TULP1: variants seen among roughly 807,000 people sequenced by gnomAD.
The protein encoded by TULP1 is tubby-related protein 1.
A neutral mutation model predicts 67.1 loss-of-function variants in TULP1; 50 were observed. The observed-to-expected ratio is 0.75, with a 90% CI of 0.59 to 0.94. The LOEUF is 0.94. Among genes scored for constraint, TULP1 ranks in the 40% least tolerant of loss-of-function variants. The pLI is 0.00. For synonymous variants in TULP1, 297 were observed against 294.0 expected, an observed-to-expected ratio of 1.01 and a Z score of -0.11; for missense variants, 746 against 734.1, an observed-to-expected ratio of 1.02 and a Z score of -0.19.
At chr6:35,504,077 A>G in intron 11 of TULP1, 3 of 509,172 alleles carry the variant, frequency 5.9e-6, no homozygotes, top group Non-Finnish European at 1.1e-5. Flanking sequence ...GCACTTTGGG[A>G]GTCAGAGGAG....
Position 35,512,254 on chromosome 6 carries a change from T to C in TULP1, c.116A>G (p.Gln39Arg), listed in dbSNP as rs1487706110. Residue 39 changes from glutamine (Q) to arginine (R), a missense_variant, in exon 3 of 15, where the codon CAG becomes CGG. This residue lies in a region of TULP1 where 359 missense variants were observed against 341.9 expected (regional missense o/e 1.05). Coordinates refer to ENST00000229771, the MANE Select transcript of TULP1 (RefSeq NM_003322.6). ...CTCCGTCCTCTTCTTCCTTAGCCTC[T>C]GTGCCGGGGCGGGTCGCTGCGGAAC... is the stretch of plus-strand genomic sequence containing the variant. ...RRPKQRPAPA[Q>R]RLRKKRTEAP... The C allele has an allele frequency of 1.4e-6, 2 of 1,402,496 alleles. No individual in the cohort carries two copies. Among genetic ancestry groups the C allele is most frequent in the African/African-American group, 1.5e-5 (1 of 68,906 alleles). 86.9% of individuals were successfully genotyped at this position (1,402,496 alleles called of 1,614,324 possible). A position where few individuals can be genotyped will look rare whatever the true frequency, so the allele number is the denominator to read the frequency against.
intron 14 of TULP1, among the ~76,000 whole-genome samples, chr6:35,499,360 T>C (rs566531017): frequency 2.9e-4 from 44 of 152,312 alleles, no homozygotes; most frequent in Middle Eastern, 3.4e-3. Flanking sequence ...ATCCAGACTG[T>C]CAGCTCTACC....
intron 13 of TULP1, 37 bp from the exon 14 acceptor site, chr6:35,500,189 G>A (rs758410891): frequency 6.2e-7 from 1 of 1,610,918 alleles, no homozygotes; most frequent in South Asian, 1.1e-5. Context: ...GGAGAGGACA[G>A]TTAGAGATGG....
chr6:35,500,701 C>T (rs965447369), intron 13 of TULP1, among the ~76,000 whole-genome samples: 3 of 152,140 alleles, frequency 2.0e-5, no homozygotes, highest in African/African-American at 7.2e-5. Flanking sequence ...GCCTTCCTGA[C>T]CCCCCATCTG....
intron 4 of TULP1, 136 bp downstream of exon 4, chr6:35,511,512 C>T (rs1326412591): frequency 7.2e-7 from 1 of 1,381,840 alleles, no homozygotes; most frequent in African/African-American, 1.4e-5. Context: ...ATACCTGGCT[C>T]AAAGATAAGG....
At chr6:35,510,616 C>T in intron 5 of TULP1, 1 of 693,768 alleles carries the variant, frequency 1.4e-6, no homozygotes, top group Non-Finnish European at 2.3e-6. Context: ...AAACTAGAAT[C>T]CTCTGTCCTC....
chr6:35,504,212 G>T, intron 11 of TULP1: 1 of 283,898 alleles, frequency 3.5e-6, no homozygotes, highest in Non-Finnish European at 6.9e-6. Context: ...GGTGGCATGT[G>T]CCTGTAGTCC....
In TULP1 at chr6:35,497,995, A is replaced by G; in HGVS notation, c.*332T>C. On this transcript the variant is annotated 3_prime_UTR_variant, in exon 15 of 15. Coordinates refer to ENST00000229771, the MANE Select transcript of TULP1 (RefSeq NM_003322.6). ...CCTAGCGCGGTCCCGGGGAGAGGGG[A>G]GGTTAAAACAACAATGACTACTGCT... The G allele has an allele frequency of 2.2e-6, 1 of 457,838 alleles. No homozygotes were observed. The highest frequency in any genetic ancestry group is 2.6e-5 in the South Asian group (1 of 38,628). The allele number at this position is 457,838 out of a possible 1,614,324, so 28.4% of individuals were successfully genotyped here.
chr6:35,509,704 C>T lies in TULP1; in HGVS notation c.648G>A (p.Ala216=), dbSNP rs766865255. The T allele has an allele frequency of 2.9e-5, 46 of 1,613,980 alleles. No homozygotes were observed. In the East Asian group the frequency reaches 4.2e-4, roughly 15 times the overall value. The part of the protein sequence containing the change: ...DKDPSGSPAS[A]RKSPAAMFLV... ...GAAACATGGCTGCTGGGCTCTTCCT[C>T]GCACTGGCTGGGCTCCCTGAGGGGT... is the stretch of plus-strand genomic sequence containing the variant. The change falls in exon 7 of 15, where the codon GCG becomes GCA. Residue 216 remains alanine, a synonymous_variant. Transcript: ENST00000229771.
At position 35,500,158 on chromosome 6, in the gene TULP1, G is replaced by A. The variant is rs1768806310; in HGVS notation, c.1324-6C>T. On this transcript the variant is annotated splice_region_variant and splice_polypyrimidine_tract_variant and intron_variant, in intron 13 of 14. Coordinates refer to ENST00000229771, the MANE Select transcript of TULP1 (RefSeq NM_003322.6). ...ACCAGCAGGCCGTCACTAGCCTGGG[G>A]TGCCCCAGGGGAGTAGACAGGGAGA... 1 of 1,613,754 alleles carries A rather than the reference G, an allele frequency of 6.2e-7. No homozygotes were observed. The highest frequency in any genetic ancestry group is 2.2e-5 in the East Asian group (1 of 44,900).
At position 35,511,773 on chromosome 6, in the gene TULP1, G is replaced by A. The variant is rs1244588827; in HGVS notation, c.224C>T (p.Ser75Phe). The A allele has an allele frequency of 1.9e-6, 3 of 1,576,516 alleles. No homozygotes were observed. The highest frequency in any genetic ancestry group is 1.7e-4 in the Middle Eastern group (1 of 5,876). ...CGCCCGGGCCTGGGCTGGGTCTGGGGAAGGCTCCTCCCGCGGCCTCCCCGT... is the reference window on the plus strand; with the variant it reads ...CGCCCGGGCCTGGGCTGGGTCTGGGAAAGGCTCCTCCCGCGGCCTCCCCGT... ...GRTGRPREEP[S>F]PDPAQARAPQ... Residue 75 changes from serine to phenylalanine, a missense_variant, in exon 4 of 15, where the codon TCC becomes TTC. By Grantham distance (155) the Ser-to-Phe change is radical. This residue lies in a region of TULP1 where 359 missense variants were observed against 341.9 expected (regional missense o/e 1.05). Coordinates refer to ENST00000229771, the MANE Select transcript of TULP1 (RefSeq NM_003322.6).
intron 2 of TULP1, 25 bp downstream of exon 2, chr6:35,512,614 T>C (rs750885678): frequency 1.2e-6 from 2 of 1,613,728 alleles, no homozygotes; most frequent in Admixed American, 3.3e-5. Flanking sequence ...ATCTTTCTGC[T>C]TCCTTTCCAA....
chr6:35,497,984 G>C lies in TULP1; in HGVS notation c.*343C>G. On this transcript the variant is annotated 3_prime_UTR_variant, in exon 15 of 15. Transcript: ENST00000229771. ...CTCCTCGGAGCCCTAGCGCGGTCCC[G>C]GGGAGAGGGGAGGTTAAAACAACAA... 2.3e-6 allele frequency: 1 copy of C among 425,690 alleles called. No individual in the cohort carries two copies. The highest frequency in any genetic ancestry group is 4.4e-6 in the Non-Finnish European group (1 of 229,246). 26.4% of individuals were successfully genotyped at this position (425,690 alleles called of 1,614,324 possible).
At chr6:35,507,537 A>G (rs1445122671) in intron 8 of TULP1, among the ~76,000 whole-genome samples, 1 of 152,212 alleles carries the variant, frequency 6.6e-6, no homozygotes, top group African/African-American at 2.4e-5. Flanking sequence ...ATGTAAGCTC[A>G]CTTTGCTCAT....
In TULP1 at chr6:35,503,783, C is replaced by G; in HGVS notation, c.1178G>C (p.Ser393Thr). The G allele has an allele frequency of 6.2e-7, 1 of 1,613,600 alleles. No homozygotes were observed. Among genetic ancestry groups the G allele is most frequent in the South Asian group, 1.1e-5 (1 of 90,962 alleles). The stretch of plus-strand genomic sequence containing the variant: ...CTGCCGAAGGCTTGCCACATTAGTG[C>G]TGTACCCACGCTGTGGGTTCTGCCC... ...DNGQNPQRGY[S>T]TNVASLRQEL... The change falls in exon 12 of 15, where the codon AGC (serine) becomes ACC (threonine). Residue 393 changes from serine (S) to threonine (T), a missense_variant. Physicochemically the swap from Ser to Thr is moderately conservative, Grantham distance 58. Coordinates refer to ENST00000229771, the MANE Select transcript of TULP1 (RefSeq NM_003322.6). The surrounding 1 kb of genome is among the most constrained non-coding windows in gnomAD (Gnocchi z 4.0).
chr6:35,512,336 C>T, intron 2 of TULP1, 66 bp from the exon 3 acceptor site: 1 of 851,784 alleles, frequency 1.2e-6, no homozygotes. Flanking sequence ...GCCCATCCCC[C>T]TCTAATCCCT....
chr6:35,508,723 G>A (rs1039692909), intron 8 of TULP1, among the ~76,000 whole-genome samples: 8 of 152,218 alleles, frequency 5.3e-5, no homozygotes, highest in African/African-American at 1.9e-4. Flanking sequence ...CTGATGGGCA[G>A]TATTAACCCT....
In TULP1 at chr6:35,509,267, G is replaced by A; in HGVS notation, c.764C>T (p.Ala255Val). The stretch of plus-strand genomic sequence containing the variant: ...ATTGCTCTTCTTTATCACCGTAGCT[G>A]CCTCCTCCTCCTCTTCTTCCTCCTT... Reference protein sequence around the residue: ...ARKEEEEEEEAATVIKKSNQK... With the variant: ...ARKEEEEEEEVATVIKKSNQK... The change falls in exon 8 of 15, where the codon GCA (alanine) becomes GTA (valine). Residue 255 changes from alanine to valine, a missense_variant. Ala to Val is a moderately conservative substitution (Grantham distance 64). Around this residue, in one of 3 missense-constraint regions of TULP1, gnomAD observed 359 missense variants for 341.9 expected, o/e 1.05. Coordinates refer to ENST00000229771, the MANE Select transcript of TULP1 (RefSeq NM_003322.6). 6.2e-7 allele frequency: 1 copy of A among 1,613,690 alleles called. No individual in the cohort carries two copies. The highest frequency in any genetic ancestry group is 8.5e-7 in the Non-Finnish European group (1 of 1,179,718).
In TULP1 at chr6:35,509,206, A is replaced by G. The variant is rs754303283; in HGVS notation, c.822+3T>C. 2.3e-5 allele frequency: 37 copies of G among 1,613,428 alleles called. No individual in the cohort carries two copies. The highest frequency in any genetic ancestry group is 3.1e-5 in the Non-Finnish European group (36 of 1,179,674). On this transcript the variant is annotated splice_donor_region_variant and intron_variant, in intron 8 of 14. Coordinates refer to ENST00000229771, the MANE Select transcript of TULP1 (RefSeq NM_003322.6). ...TCAGCCCCCTGCCCCTCTGGGCCCC[A>G]ACCTTTTTGCCTTTTCCTTTGGCTT... is the stretch of plus-strand genomic sequence containing the variant.
Sources: gnomAD v4.1 joint callset for allele counts (sites outside exome capture counted in the v4.1 genomes callset) on GRCh38, gnomAD v4.1.1 for gene constraint, gnomAD v4.1.1 regional missense constraint, Gnocchi (gnomAD v3.1) non-coding constraint, MANE v1.5 for transcripts, NCBI Gene and HGNC (gene_info 2026-07-23, HGNC 2026-07-21) for gene names.